The following EIF3D variants were observed in gnomAD, a reference collection of about 807,000 sequenced individuals.
EIF3D encodes the protein eIF3 p66.
A neutral mutation model predicts 75.4 loss-of-function variants in EIF3D; 10 were observed. The observed-to-expected ratio is 0.13, with a 90% CI of 0.08 to 0.22. EIF3D has a LOEUF of 0.22. EIF3D is among the 10% of genes least tolerant of loss of function. The probability of loss-of-function intolerance (pLI) is 1.00; values close to 1 mark genes in which losing one functional copy is unlikely to be tolerated. For synonymous variants in EIF3D, 246 were observed against 248.3 expected, an observed-to-expected ratio of 0.99 and a Z score of 0.09; for missense variants, 394 against 708.0, an observed-to-expected ratio of 0.56 and a Z score of 5.03.
rs768009487 is a variant in EIF3D, at chr22:36,512,434, T to C, written c.1349+26A>G. 5.6e-6 allele frequency: 9 copies of C among 1,612,868 alleles called. No individual in the cohort carries two copies. The African/African-American group carries it at 1.2e-4, about 22-fold the overall frequency. ...AGACCCTTCCTTTCACAAGATCAGC[T>C]GCCAGCTCCTGCACAGGAATCTCAC... is the stretch of plus-strand genomic sequence containing the variant. On this transcript the variant is annotated intron_variant, in intron 13 of 14. Transcript: ENST00000216190.
intron 1 of EIF3D, among the ~76,000 whole-genome samples, chr22:36,527,257 G>A (rs896544664): frequency 6.6e-6 from 1 of 152,196 alleles, no homozygotes; most frequent in Non-Finnish European, 1.5e-5. Flanking sequence ...ATCCTGTGAG[G>A]TAGGAGCCAA....
chr22:36,514,087 A>G (rs1934385575), intron 12 of EIF3D, among the ~76,000 whole-genome samples: 1 of 151,684 alleles, frequency 6.6e-6, no homozygotes, highest in Non-Finnish European at 1.5e-5. Context: ...GCTAACAGCA[A>G]AACAGAATAA....
intron 12 of EIF3D, among the ~76,000 whole-genome samples, chr22:36,515,093 A>G (rs1432512788): frequency 6.6e-6 from 1 of 152,232 alleles, no homozygotes; most frequent in Non-Finnish European, 1.5e-5. Flanking sequence ...TAGAGCCTGC[A>G]GAACTGTGAG....
chr22:36,520,714 A>G, intron 6 of EIF3D, 26 bp from the exon 7 acceptor site: 1 of 1,535,968 alleles, frequency 6.5e-7, no homozygotes, highest in Non-Finnish European at 9.0e-7. Context: ...ATTAGAGGAA[A>G]AAAAAGTTAT....
Position 36,518,791 on chromosome 22 carries a change from G to A in EIF3D, c.831C>T (p.Phe277=). 3 of 1,614,192 alleles carry A rather than the reference G, an allele frequency of 1.9e-6. No individual in the cohort carries two copies. The highest frequency in any genetic ancestry group is 2.5e-6 in the Non-Finnish European group (3 of 1,180,030). ...IVVQRVGSKL[F]FDKRDNSDFD... ...AGTCAGAGTTGTCTCTCTTGTCAAA[G>A]AAGAGTTTGGACCCAACTCTCTGGA... Residue 277 remains phenylalanine (F), a synonymous_variant, in exon 9 of 15, where the codon TTC becomes TTT. Coordinates refer to ENST00000216190, the MANE Select transcript of EIF3D (RefSeq NM_003753.4).
At chr22:36,523,848 G>C in intron 5 of EIF3D, 47 bp downstream of exon 5, 1 of 1,565,110 alleles carries the variant, frequency 6.4e-7, no homozygotes, top group Non-Finnish European at 8.8e-7. Flanking sequence ...TTCCAAATAC[G>C]GCCAGTCTGG....
At chr22:36,524,014 C>A (rs1295330260) in intron 4 of EIF3D, 34 bp from the exon 5 acceptor site, 2 of 1,611,634 alleles carry the variant, frequency 1.2e-6, no homozygotes, top group Admixed American at 3.3e-5. Flanking sequence ...ATGTTAAAAT[C>A]TTGGAGATTT....
intron 12 of EIF3D, 156 bp downstream of exon 12, chr22:36,516,322 A>G (rs760108893): frequency 1.2e-6 from 1 of 819,434 alleles, no homozygotes; most frequent in Non-Finnish European, 1.9e-6. Flanking sequence ...AACTAAGCAG[A>G]GGAAAAAACT....
intron 1 of EIF3D, among the ~76,000 whole-genome samples, chr22:36,528,060 T>TA (rs1426370043): frequency 6.6e-6 from 1 of 152,198 alleles, no homozygotes; most frequent in African/African-American, 2.4e-5. Context: ...GCTGAGCTCC[T>TA]ACGTGTTAGG....
chr22:36,519,004 T>C (rs1056104121), intron 8 of EIF3D, 94 bp from the exon 9 acceptor site: 21 of 1,494,460 alleles, frequency 1.4e-5, no homozygotes, highest in Non-Finnish European at 1.9e-5. Context: ...GCTGACCACA[T>C]AAATCCTTAA....
At chr22:36,525,049 T>C (rs1555889142) in intron 3 of EIF3D, among the ~76,000 whole-genome samples, 1 of 152,166 alleles carries the variant, frequency 6.6e-6, no homozygotes, top group Non-Finnish European at 1.5e-5. Context: ...CTGAGGTATT[T>C]ATTGCTAACC....
intron 6 of EIF3D, among the ~76,000 whole-genome samples, chr22:36,522,289 G>C (rs984648917): frequency 1.3e-5 from 2 of 152,264 alleles, no homozygotes; most frequent in South Asian, 2.1e-4. Context: ...AGCAGGCAGA[G>C]GTTGCAGTTG....
At chr22:36,517,050 TA>T (rs1334799660) in intron 10 of EIF3D, 2 of 613,236 alleles carry the variant, frequency 3.3e-6, no homozygotes, top group African/African-American at 1.8e-5. Context: ...CCATTTGATG[TA>T]AATCAATTTA....
At chr22:36,521,781 A>G (rs568622910) in intron 6 of EIF3D, among the ~76,000 whole-genome samples, 2 of 151,506 alleles carry the variant, frequency 1.3e-5, no homozygotes, top group African/African-American at 4.8e-5. Flanking sequence ...ATGAAAAAAA[A>G]AAAAAAAAAG....
chr22:36,528,928 C>CT (rs1569003356), intron 1 of EIF3D, 148 bp downstream of exon 1: 1 of 203,056 alleles, frequency 4.9e-6, no homozygotes, highest in African/African-American at 2.3e-5. Context: ...GCGGGGCCCC[C>CT]GAAAGTGGAT....
intron 13 of EIF3D, 63 bp from the exon 14 acceptor site, chr22:36,511,849 T>C (rs1337128487): frequency 6.4e-7 from 1 of 1,572,530 alleles, no homozygotes; most frequent in East Asian, 2.3e-5. Flanking sequence ...ACACTTGGGA[T>C]CAAATGTCAA....
Position 36,512,605 on chromosome 22 carries a change from G to A in EIF3D, c.1207-3C>T, listed in dbSNP as rs1421618725. 4 of 1,610,376 alleles carry A rather than the reference G, an allele frequency of 2.5e-6. No individual in the cohort carries two copies. The South Asian group carries it at 4.4e-5, about 18-fold the overall frequency. On this transcript the variant is annotated splice_polypyrimidine_tract_variant and splice_region_variant and intron_variant, in intron 12 of 14. Transcript: ENST00000216190. The stretch of plus-strand genomic sequence containing the variant: ...CGCCAGTCAACGCCATTACAGTGCT[G>A]CAGGAGAGCCCCGTTAGAGAAACAG...
rs184766862 is a variant in EIF3D, at chr22:36,518,354, T to C, written c.859+409A>G. Among the ~76,000 whole-genome samples, 138 of 152,142 alleles carry C rather than the reference T, an allele frequency of 9.1e-4. 2 individuals carry two copies. The highest frequency in any genetic ancestry group is 3.3e-3 in the African/African-American group (136 of 41,530). ...AAATATAGAAAGTAGCCAGGCGTAA[T>C]GGCACATGCCTGTAATCCCAGCTAT... On this transcript the variant is annotated intron_variant, in intron 9 of 14. Transcript: ENST00000216190.
chr22:36,520,707 A>G lies in EIF3D; in HGVS notation c.466-19T>C. 2 of 1,566,720 alleles carry G rather than the reference A, an allele frequency of 1.3e-6. No homozygotes were observed. Among genetic ancestry groups the G allele is most frequent in the Non-Finnish European group, 1.8e-6 (2 of 1,141,028 alleles). On this transcript the variant is annotated intron_variant, in intron 6 of 14. Coordinates refer to ENST00000216190, the MANE Select transcript of EIF3D (RefSeq NM_003753.4). ...GGGGTTTCTGCAGTTGAAAACCATTAGAGGAAAAAAAAGTTATAGTCCATA... is the reference window on the plus strand; with the variant it reads ...GGGGTTTCTGCAGTTGAAAACCATTGGAGGAAAAAAAAGTTATAGTCCATA...
Sources: gnomAD v4.1 joint callset for allele counts (sites outside exome capture counted in the v4.1 genomes callset) on GRCh38, gnomAD v4.1.1 for gene constraint, MANE v1.5 for transcripts, NCBI Gene and HGNC (gene_info 2026-07-23, HGNC 2026-07-21) for gene names.